The following KNDC1 variants were observed in gnomAD, a reference collection of about 807,000 sequenced individuals.
KNDC1 encodes the protein kinase non-catalytic C-lobe domain containing 1.
A neutral mutation model predicts 172.8 loss-of-function variants in KNDC1; 106 were observed. That is an observed-to-expected ratio of 0.61 (90% CI 0.52 to 0.72). KNDC1 has a LOEUF of 0.72. Ranked by LOEUF, KNDC1 falls within the 30% of genes least tolerant of loss-of-function variation. KNDC1 has a pLI of 0.00. For missense variants in KNDC1, 2,325 were observed against 2,394.5 expected, an observed-to-expected ratio of 0.97 and a Z score of 0.61; for synonymous variants, 1,083 against 1,062.2, an observed-to-expected ratio of 1.02 and a Z score of -0.38.
Position 133,199,536 on chromosome 10 carries a change from A to C in KNDC1, c.2837A>C (p.Tyr946Ser), listed in dbSNP as rs750106953. 1.2e-5 allele frequency: 19 copies of C among 1,613,870 alleles called. No individual in the cohort carries two copies. The highest frequency in any genetic ancestry group is 1.4e-5 in the Non-Finnish European group (17 of 1,179,996). The change falls in exon 15 of 30, where the codon TAC (tyrosine) becomes TCC (serine). Residue 946 changes from tyrosine to serine, a missense_variant. Transcript: ENST00000304613. ...ATTTCCGAGAAGTTCTGTGACCTGT[A>C]CTGGGATGAGAAGTTGCTGCAGAAC... is the stretch of plus-strand genomic sequence containing the variant. ...GAISEKFCDLYWDEKLLQNLF... is the reference protein window; with the variant it reads ...GAISEKFCDLSWDEKLLQNLF...
chr10:133,202,992 A>T lies in KNDC1; in HGVS notation c.3387+1094A>T, dbSNP rs1316016501. Among the ~76,000 whole-genome samples the T allele has an allele frequency of 2.6e-5, 4 of 152,028 alleles. No homozygotes were observed. The East Asian group carries it at 7.7e-4, about 29-fold the overall frequency. On this transcript the variant is annotated intron_variant, in intron 17 of 29. Coordinates refer to ENST00000304613, the MANE Select transcript of KNDC1 (RefSeq NM_152643.8). The stretch of plus-strand genomic sequence containing the variant: ...TCCAGCAGGGAGCACTCAGCCCCCA[A>T]ACTCACGGCGTCCAGCCGGGAGCAC...
At chr10:133,182,720 T>G (rs893948908) in intron 3 of KNDC1, among the ~76,000 whole-genome samples, 2 of 152,230 alleles carry the variant, frequency 1.3e-5, no homozygotes, top group Non-Finnish European at 2.9e-5. Flanking sequence ...GTTTTGAAGT[T>G]TTTGACCTAA....
Position 133,212,937 on chromosome 10 carries a change from G to A in KNDC1, c.4443+15G>A, listed in dbSNP as rs1187580981. 6.2e-7 allele frequency: 1 copy of A among 1,603,208 alleles called. No individual in the cohort carries two copies. Among genetic ancestry groups the A allele is most frequent in the South Asian group, 1.1e-5 (1 of 90,528 alleles). On this transcript the variant is annotated intron_variant, in intron 24 of 29. Transcript: ENST00000304613. The stretch of plus-strand genomic sequence containing the variant: ...TGCTACAGCAGGTGAGGAGGGCGAG[G>A]ATCTGCGCCCAGGTCACCTGCGAGT...
At chr10:133,211,903 T>C in intron 23 of KNDC1, 45 bp downstream of exon 23, 1 of 1,558,708 alleles carries the variant, frequency 6.4e-7, no homozygotes, top group Non-Finnish European at 8.6e-7. Flanking sequence ...CAGGCGGATG[T>C]GGGTCCCTGA....
At chr10:133,222,231 C>A (rs375200731) in intron 29 of KNDC1, among the ~76,000 whole-genome samples, 1 of 140,396 alleles carries the variant, frequency 7.1e-6, no homozygotes, top group African/African-American at 2.7e-5. Context: ...TCCAGTGAGC[C>A]GAGATCGCGC....
At position 133,198,933 on chromosome 10, in the gene KNDC1, G is replaced by A. The variant is rs761282775; in HGVS notation, c.2425G>A (p.Gly809Arg). 1.8e-4 allele frequency: 273 copies of A among 1,558,968 alleles called. No homozygotes were observed. Among genetic ancestry groups the A allele is most frequent in the Non-Finnish European group, 2.2e-4 (257 of 1,157,066 alleles). Residue 809 changes from glycine (G) to arginine (R), a missense_variant, in exon 14 of 30, where the codon GGG (glycine) becomes AGG (arginine). Coordinates refer to ENST00000304613, the MANE Select transcript of KNDC1 (RefSeq NM_152643.8). ...AEPIPPGVASGGLRPDALGPT... is the reference protein window; with the variant it reads ...AEPIPPGVASRGLRPDALGPT... Reference sequence around the variant, plus strand: ...GCCGATCCCACCTGGAGTTGCTTCCGGGGGCCTCAGGCCCGACGCCCTGGG... The same window carrying A: ...GCCGATCCCACCTGGAGTTGCTTCCAGGGGCCTCAGGCCCGACGCCCTGGG...
At position 133,213,961 on chromosome 10, in the gene KNDC1, T is replaced by G. The variant is rs927152366; in HGVS notation, c.4527-11T>G. ...GTCCTGGGGGTGACAGGGACCATAT[T>G]TCTCTTCCAGAGCCAGCTCTTCTGA... On this transcript the variant is annotated splice_polypyrimidine_tract_variant and intron_variant, in intron 25 of 29. Transcript: ENST00000304613. The G allele has an allele frequency of 9.3e-6, 15 of 1,614,078 alleles. No homozygotes were observed. Among genetic ancestry groups the G allele is most frequent in the Non-Finnish European group, 1.2e-5 (14 of 1,179,952 alleles).
chr10:133,201,363 C>G, intron 16 of KNDC1, 138 bp from the exon 17 acceptor site: 3 of 933,442 alleles, frequency 3.2e-6, no homozygotes, highest in Admixed American at 4.8e-5. Context: ...CAGCCGTGCC[C>G]GGGGGGCGCC....
Position 133,213,980 on chromosome 10 carries a change from C to T in KNDC1, c.4535C>T (p.Ser1512Phe), listed in dbSNP as rs772624843. ...DKSTAIPKAS[S>F]SESLSAKTCS... ...CCATATTTCTCTTCCAGAGCCAGCT[C>T]TTCTGAGTCTCTTTCGGCCAAAACC... Residue 1512 changes from serine (S) to phenylalanine (F), a missense_variant, in exon 26 of 30, where the codon TCT becomes TTT. Coordinates refer to ENST00000304613, the MANE Select transcript of KNDC1 (RefSeq NM_152643.8). 23 of 1,614,062 alleles carry T rather than the reference C, an allele frequency of 1.4e-5. 1 individual carries two copies. The highest frequency in any genetic ancestry group is 3.3e-5 in the Admixed American group (2 of 60,006).
At chr10:133,195,281 C>T (rs997883137) in intron 9 of KNDC1, among the ~76,000 whole-genome samples, 18 of 152,144 alleles carry the variant, frequency 1.2e-4, no homozygotes, top group South Asian at 6.2e-4. Context: ...GGGGGGCTTC[C>T]GGGAGCAGGC....
chr10:133,201,784 C>A lies in KNDC1; in HGVS notation c.3273C>A (p.Pro1091=). The change falls in exon 17 of 30, where the codon CCC becomes CCA. Residue 1091 remains proline (P), a synonymous_variant. Coordinates refer to ENST00000304613, the MANE Select transcript of KNDC1 (RefSeq NM_152643.8). ...CAGCCGGATTCCAGAGCTGCAGCCC[C>A]GGCTGGTGCAGCGCCTTCTACGAGG... ...PGPAGFQSCS[P]GWCSAFYEAD... The A allele has an allele frequency of 6.5e-7, 1 of 1,544,172 alleles. No homozygotes were observed. Among genetic ancestry groups the A allele is most frequent in the East Asian group, 2.3e-5 (1 of 43,776 alleles).
intron 26 of KNDC1, among the ~76,000 whole-genome samples, chr10:133,217,111 T>C (rs1386731881): frequency 6.6e-6 from 1 of 152,276 alleles, no homozygotes; most frequent in Non-Finnish European, 1.5e-5. Context: ...AGTGTGGATG[T>C]AGTTAACACG....
chr10:133,177,534 A>AGT (rs746910194), intron 3 of KNDC1, among the ~76,000 whole-genome samples: 67,599 of 151,550 alleles, frequency 0.45, 15,500 homozygotes, highest in South Asian at 0.65. Context: ...GCATGCACAT[A>AGT]GTGTGTGTCA....
At chr10:133,186,850 G>A (rs189833672) in intron 6 of KNDC1, among the ~76,000 whole-genome samples, 176 bp downstream of exon 6, 37 of 152,288 alleles carry the variant, frequency 2.4e-4, no homozygotes, top group Admixed American at 1.1e-3. Flanking sequence ...CTGTGGCTGC[G>A]GCTGGGGATG....
At chr10:133,215,223 C>T (rs185692689) in intron 26 of KNDC1, among the ~76,000 whole-genome samples, 84 of 152,368 alleles carry the variant, frequency 5.5e-4, no homozygotes, top group African/African-American at 1.9e-3. Flanking sequence ...CCATCACTGC[C>T]GTCCCTGCTG....
intron 24 of KNDC1, 79 bp downstream of exon 24, chr10:133,213,001 G>T (rs1344055616): frequency 4.2e-5 from 54 of 1,280,840 alleles, no homozygotes; most frequent in Non-Finnish European, 5.7e-5. Flanking sequence ...AGGGCCCTCA[G>T]CGGCTGCTTC....
intron 16 of KNDC1, 76 bp from the exon 17 acceptor site, chr10:133,201,425 G>A: frequency 2.1e-6 from 3 of 1,456,142 alleles, no homozygotes; most frequent in Non-Finnish European, 2.8e-6. Context: ...AGCACCACCG[G>A]CCTCCCATTA....
At chr10:133,176,316 G>C (rs73386699) in intron 3 of KNDC1, among the ~76,000 whole-genome samples, 8,667 of 152,126 alleles carry the variant, frequency 0.057, 784 homozygotes, top group African/African-American at 0.19. Context: ...TGGATGGATG[G>C]GTGGACGGAT....
chr10:133,200,674 G>GCCCTC (rs57696413), intron 16 of KNDC1, among the ~76,000 whole-genome samples: 80 of 151,776 alleles, frequency 5.3e-4, no homozygotes, highest in South Asian at 2.9e-3. Flanking sequence ...GCCAAAGGCC[G>GCCCTC]TCCTCTCCTG....
Sources: gnomAD v4.1 joint callset for allele counts (sites outside exome capture counted in the v4.1 genomes callset) on GRCh38, gnomAD v4.1.1 for gene constraint, MANE v1.5 for transcripts, NCBI Gene and HGNC (gene_info 2026-07-23, HGNC 2026-07-21) for gene names.